Variants in DGKG observed in about 807,000 individuals in gnomAD.
DGKG encodes the protein DAG kinase gamma.
In DGKG, 78 loss-of-function variants were observed where a neutral mutation model predicts 105.3. That is an observed-to-expected ratio of 0.74 (90% confidence interval 0.62 to 0.89). The LOEUF (loss-of-function observed/expected upper bound fraction) is 0.89. DGKG is among the 40% of genes least tolerant of loss of function. The probability of loss-of-function intolerance (pLI) is 0.00; values close to 1 mark genes in which losing one functional copy is unlikely to be tolerated. For synonymous variants in DGKG, 346 were observed against 367.1 expected (o/e 0.94, Z 0.66); for missense variants, 958 against 1,020.1 (o/e 0.94, Z 0.83).
At position 186,320,646 on chromosome 3, in the gene DGKG, C is replaced by T. The variant is rs1032288523; in HGVS notation, c.-187G>A. ...CTCAGAAGATGAGACAAGATCTCTG[C>T]TATTCCTTAGGCAACATCCTCCTGT... On this transcript the variant is annotated 5_prime_UTR_variant, in exon 2 of 25. The change abolishes the stop of an existing upstream ORF in the 5' untranslated region. Transcript: ENST00000265022. 5.5e-6 allele frequency: 5 copies of T among 906,074 alleles called. No individual in the cohort carries two copies. Among genetic ancestry groups the T allele is most frequent in the Admixed American group, 6.6e-5 (2 of 30,490 alleles). The allele number at this position is 906,074 out of a possible 1,614,324, so 56.1% of individuals were successfully genotyped here.
intron 23 of DGKG, among the ~76,000 whole-genome samples, chr3:186,163,828 C>G (rs1385917038): frequency 6.6e-6 from 1 of 152,066 alleles, no homozygotes; most frequent in East Asian, 1.9e-4. Flanking sequence ...CAGACTGGAC[C>G]TCCTCAGTAT....
At chr3:186,302,717 C>T (rs1724040118) in intron 3 of DGKG, among the ~76,000 whole-genome samples, 2 of 151,550 alleles carry the variant, frequency 1.3e-5, no homozygotes, top group Non-Finnish European at 2.9e-5. Flanking sequence ...AGGCATGAGT[C>T]CGTATCTTCA....
intron 2 of DGKG, among the ~76,000 whole-genome samples, chr3:186,310,078 C>T (rs560709010): frequency 6.7e-6 from 1 of 150,340 alleles, no homozygotes; most frequent in East Asian, 2.0e-4. Flanking sequence ...ACCAGCCTGG[C>T]TAACATGGTG....
intron 3 of DGKG, 85 bp downstream of exon 3, chr3:186,306,816 A>C (rs1724261185): frequency 2.3e-6 from 2 of 882,256 alleles, no homozygotes; most frequent in South Asian, 3.0e-5. Flanking sequence ...CTTCAAGGCA[A>C]GCGGAGTCTC....
rs570238187 is a variant in DGKG, at chr3:186,311,732, C to A, written c.68-4755G>T. 4.2e-4 allele frequency among the ~76,000 whole-genome samples: 64 copies of A among 152,260 alleles called. No individual in the cohort carries two copies. The South Asian group carries it at 0.012, about 29-fold the overall frequency. ...CAGGGGTGCGTTCCATCTGAACAAGCAGACAAATCAGAGACTTCAGTGTTT... is the reference window on the plus strand; with the variant it reads ...CAGGGGTGCGTTCCATCTGAACAAGAAGACAAATCAGAGACTTCAGTGTTT... On this transcript the variant is annotated intron_variant, in intron 2 of 24. Coordinates refer to ENST00000265022, the MANE Select transcript of DGKG (RefSeq NM_001346.3).
At chr3:186,239,758 C>T (rs1047946462) in intron 20 of DGKG, among the ~76,000 whole-genome samples, 3 of 152,120 alleles carry the variant, frequency 2.0e-5, no homozygotes, top group Non-Finnish European at 4.4e-5. Context: ...GCTACCTTGA[C>T]CTCAGTCAGG....
chr3:186,299,768 T>TCTTTCTTTCTTC (rs1723786931), intron 3 of DGKG, among the ~76,000 whole-genome samples: 1 of 22,244 alleles, frequency 4.5e-5, no homozygotes, highest in East Asian at 1.3e-3. Context: ...TCTTCTTTTC[T>TCTTTCTTTCTTC]CTTTCTTTCT....
intron 21 of DGKG, among the ~76,000 whole-genome samples, chr3:186,189,119 T>A (rs1717784801): frequency 6.6e-6 from 1 of 152,064 alleles, no homozygotes; most frequent in East Asian, 1.9e-4. Context: ...GGCCAGAAAA[T>A]TTTCATTTTG....
intron 21 of DGKG, among the ~76,000 whole-genome samples, chr3:186,208,406 C>A (rs992000085): frequency 6.8e-6 from 1 of 147,060 alleles, no homozygotes; most frequent in Non-Finnish European, 1.5e-5. Context: ...GTTTCACCAT[C>A]CAACTTTTTA....
chr3:186,333,841 C>T (rs556737212), intron 1 of DGKG, among the ~76,000 whole-genome samples: 64 of 152,182 alleles, frequency 4.2e-4, no homozygotes, highest in Admixed American at 1.1e-3. Flanking sequence ...GTGGTGATAG[C>T]GGCGTGGTAT....
At chr3:186,206,242 G>T (rs1317866715) in intron 21 of DGKG, among the ~76,000 whole-genome samples, 1 of 152,012 alleles carries the variant, frequency 6.6e-6, no homozygotes, top group African/African-American at 2.4e-5. Flanking sequence ...AAATTAGCTG[G>T]GCGTGGTGGT....
intron 20 of DGKG, among the ~76,000 whole-genome samples, chr3:186,241,436 C>T (rs1008327460): frequency 6.6e-6 from 1 of 151,960 alleles, no homozygotes; most frequent in African/African-American, 2.4e-5. Flanking sequence ...GCCTGTAGTC[C>T]CAGCTACTCA....
chr3:186,152,659 C>T (rs1162576702), intron 24 of DGKG, among the ~76,000 whole-genome samples: 1 of 152,074 alleles, frequency 6.6e-6, no homozygotes, highest in Non-Finnish European at 1.5e-5. Context: ...GGTAGAGCCC[C>T]TCCCCCACAT....
At chr3:186,187,469 T>TTTG (rs1717697596) in intron 22 of DGKG, among the ~76,000 whole-genome samples, 1 of 151,344 alleles carries the variant, frequency 6.6e-6, no homozygotes, top group Non-Finnish European at 1.5e-5. Context: ...AGGCTGTGAG[T>TTTG]GGAGAAGGTT....
intron 21 of DGKG, among the ~76,000 whole-genome samples, chr3:186,199,484 C>T (rs1416293723): frequency 1.3e-5 from 2 of 152,096 alleles, no homozygotes; most frequent in African/African-American, 4.8e-5. Context: ...TATGTCTAAT[C>T]TTCACAACCC....
intron 20 of DGKG, among the ~76,000 whole-genome samples, chr3:186,217,285 T>A (rs914970314): frequency 5.9e-5 from 9 of 152,212 alleles, no homozygotes; most frequent in African/African-American, 2.2e-4. Context: ...TTTTCCCCTC[T>A]TACAATCACC....
chr3:186,350,553 A>T (rs1344922838), intron 1 of DGKG, among the ~76,000 whole-genome samples: 4 of 152,218 alleles, frequency 2.6e-5, no homozygotes, highest in Non-Finnish European at 5.9e-5. Flanking sequence ...ATAAACATGG[A>T]TGTACAAGTA....
Position 186,164,891 on chromosome 3 carries a change from G to C in DGKG, c.2216+7C>G. 1 of 1,610,218 alleles carries C rather than the reference G, an allele frequency of 6.2e-7. No individual in the cohort carries two copies. Among genetic ancestry groups the C allele is most frequent in the Non-Finnish European group, 8.5e-7 (1 of 1,178,192 alleles). ...TGCAGAGGCTGTTGGGTGACAAAGA[G>C]GCATACCTGATGGTGACAGAGGCGC... is the stretch of plus-strand genomic sequence containing the variant. On this transcript the variant is annotated splice_region_variant and intron_variant, in intron 23 of 24. Coordinates refer to ENST00000265022, the MANE Select transcript of DGKG (RefSeq NM_001346.3).
rs1166867805 is a variant in DGKG at position 186,231,263 on chromosome 3, G to A, written c.1826+11241C>T. Among the ~76,000 whole-genome samples, 2 of 151,810 alleles carry A rather than the reference G, an allele frequency of 1.3e-5. No individual in the cohort carries two copies. The highest frequency in any genetic ancestry group is 2.9e-5 in the Non-Finnish European group (2 of 67,968). ...ATGGCTCTTTTCTAGTCTTTTTTTG[G>A]GTGCATCTTTGGTCATGGGGCACAA... is the stretch of plus-strand genomic sequence containing the variant. On this transcript the variant is annotated intron_variant, in intron 20 of 24. Coordinates refer to ENST00000265022, the MANE Select transcript of DGKG (RefSeq NM_001346.3). This position sits in a 1 kb window ranked among gnomAD's most constrained non-coding sequence, Gnocchi z 4.5.
Sources: allele counts gnomAD v4.1 joint callset (sites outside exome capture counted in the v4.1 genomes callset), GRCh38; gene constraint gnomAD v4.1.1; non-coding constraint Gnocchi (gnomAD v3.1); transcripts MANE v1.5; gene names NCBI Gene and HGNC (gene_info 2026-07-23, HGNC 2026-07-21).